UGT8: variants seen among roughly 807,000 people sequenced by gnomAD.
UGT8 encodes the protein 2-hydroxyacylsphingosine 1-beta-galactosyltransferase.
A neutral mutation model predicts 40.5 loss-of-function variants in UGT8; 12 were observed. That is an observed-to-expected ratio of 0.30 (90% CI 0.19 to 0.48). The LOEUF is 0.48. UGT8 is among the 20% of genes least tolerant of loss of function. The probability of loss-of-function intolerance (pLI) is 0.99; values close to 1 mark genes in which losing one functional copy is unlikely to be tolerated. For missense variants in UGT8, 513 were observed against 648.7 expected (o/e 0.79, Z 2.27); for synonymous variants, 224 against 240.4 (o/e 0.93, Z 0.63).
At chr4:114,612,622 A>G (rs1010250323) in intron 1 of UGT8, among the ~76,000 whole-genome samples, 1 of 152,040 alleles carries the variant, frequency 6.6e-6, no homozygotes, top group South Asian at 2.1e-4. Context: ...CCAGTACGTT[A>G]TTGGTATTGT....
chr4:114,661,571 C>A (rs936786424), intron 2 of UGT8, among the ~76,000 whole-genome samples: 2 of 152,128 alleles, frequency 1.3e-5, no homozygotes, highest in Non-Finnish European at 2.9e-5. Flanking sequence ...CAACCGAATC[C>A]AAAATCCAAC....
At chr4:114,628,890 T>TAC in intron 2 of UGT8, among the ~76,000 whole-genome samples, 4 of 150,806 alleles carry the variant, frequency 2.7e-5, no homozygotes, top group Admixed American at 6.6e-5. Flanking sequence ...ACAGAGTTAT[T>TAC]AGATTAGCCA....
intron 4 of UGT8, among the ~76,000 whole-genome samples, chr4:114,665,980 G>A (rs1185513971): frequency 6.6e-6 from 1 of 151,746 alleles, no homozygotes; most frequent in Non-Finnish European, 1.5e-5. Context: ...AAACCTTTGG[G>A]CCTCTATATT....
At chr4:114,665,441 A>G (rs971461675) in intron 3 of UGT8, 32 of 985,250 alleles carry the variant, frequency 3.2e-5, no homozygotes, top group Middle Eastern at 5.2e-4. Flanking sequence ...GTGAGGAACC[A>G]ATGGAAAATA....
At chr4:114,657,632 G>A (rs923314383) in intron 2 of UGT8, among the ~76,000 whole-genome samples, 51 of 151,682 alleles carry the variant, frequency 3.4e-4, no homozygotes, top group African/African-American at 1.2e-3. Flanking sequence ...ATTCTGAAAA[G>A]TCCAAAACAT....
At chr4:114,619,938 G>T (rs1326945974) in intron 1 of UGT8, among the ~76,000 whole-genome samples, 1 of 150,966 alleles carries the variant, frequency 6.6e-6, no homozygotes, top group Non-Finnish European at 1.5e-5. Flanking sequence ...TATTTTTCAG[G>T]TTTCTTTAAT....
At chr4:114,599,216 C>T (rs1730282025) in intron 1 of UGT8, among the ~76,000 whole-genome samples, 1 of 152,236 alleles carries the variant, frequency 6.6e-6, no homozygotes, top group East Asian at 1.9e-4. Context: ...TCTTTTTAGG[C>T]TGGCCCCTCA....
chr4:114,662,885 G>A (rs1266158182), intron 2 of UGT8, among the ~76,000 whole-genome samples: 1 of 132,128 alleles, frequency 7.6e-6, no homozygotes, highest in Non-Finnish European at 1.5e-5. Context: ...GAGTGCAGTG[G>A]CACAGTCTTG....
chr4:114,636,856 C>G (rs1244947204), intron 2 of UGT8, among the ~76,000 whole-genome samples: 1 of 152,166 alleles, frequency 6.6e-6, no homozygotes, highest in Non-Finnish European at 1.5e-5. Flanking sequence ...TTCTCTCTCT[C>G]TGTGTTTTTA....
chr4:114,655,059 GTTTT>G (rs1011314324), intron 2 of UGT8, among the ~76,000 whole-genome samples: 19 of 146,212 alleles, frequency 1.3e-4, no homozygotes, highest in African/African-American at 4.5e-4. Flanking sequence ...CTAGTTTTTT[GTTTT>G]TTGTTTTTTT....
intron 2 of UGT8, 70 bp downstream of exon 2, chr4:114,623,772 A>G (rs1004898043): frequency 4.1e-6 from 6 of 1,479,656 alleles, no homozygotes; most frequent in South Asian, 1.4e-5. Context: ...TGGAAGAGAT[A>G]TGATTTGTTA....
At position 114,623,141 on chromosome 4, in the gene UGT8, G is replaced by T; in HGVS notation, c.261G>T (p.Gln87His). The change falls in exon 2 of 6, where the codon CAG becomes CAT. Residue 87 changes from glutamine (Q) to histidine (H), a missense_variant. Transcript: ENST00000310836. ...GTACCACCTCAGATGCTTTCCTACA[G>T]TCCAAGATGCGGAATATTTTCTCTG... is the stretch of plus-strand genomic sequence containing the variant. Reference protein sequence around the residue: ...FNSTTSDAFLQSKMRNIFSGR... With the variant: ...FNSTTSDAFLHSKMRNIFSGR... 6.2e-7 allele frequency: 1 copy of T among 1,614,120 alleles called. No homozygotes were observed. The highest frequency in any genetic ancestry group is 8.5e-7 in the Non-Finnish European group (1 of 1,180,022).
At chr4:114,626,139 A>T (rs1306604089) in intron 2 of UGT8, among the ~76,000 whole-genome samples, 1 of 152,174 alleles carries the variant, frequency 6.6e-6, no homozygotes, top group Non-Finnish European at 1.5e-5. Flanking sequence ...TTGAAGAATG[A>T]TGTGCAGTAC....
At chr4:114,627,507 C>CT (rs1164577051) in intron 2 of UGT8, among the ~76,000 whole-genome samples, 1 of 152,108 alleles carries the variant, frequency 6.6e-6, no homozygotes, top group African/African-American at 2.4e-5. Flanking sequence ...ATCTGCCCGT[C>CT]TCGGCCTCCC....
intron 2 of UGT8, among the ~76,000 whole-genome samples, chr4:114,650,610 C>T (rs914817264): frequency 6.6e-6 from 1 of 152,104 alleles, no homozygotes. Flanking sequence ...ATCATGACTA[C>T]GATTTCCCAT....
At chr4:114,670,044 G>A (rs1310182776) in intron 5 of UGT8, among the ~76,000 whole-genome samples, 2 of 152,092 alleles carry the variant, frequency 1.3e-5, no homozygotes, top group Non-Finnish European at 2.9e-5. Context: ...AACTAATACT[G>A]TAAAAGAAGT....
chr4:114,626,863 T>A (rs1446376433), intron 2 of UGT8, among the ~76,000 whole-genome samples: 4 of 152,250 alleles, frequency 2.6e-5, no homozygotes, highest in Admixed American at 2.6e-4. Flanking sequence ...TTGTCAGGGC[T>A]TAATACTCAA....
intron 4 of UGT8, among the ~76,000 whole-genome samples, chr4:114,666,003 C>A (rs974354782): frequency 1.3e-5 from 2 of 151,708 alleles, no homozygotes; most frequent in African/African-American, 4.8e-5. Context: ...AATTTTTAGA[C>A]CAGCCATCAA....
chr4:114,624,952 G>C (rs1732103217), intron 2 of UGT8, among the ~76,000 whole-genome samples: 1 of 152,112 alleles, frequency 6.6e-6, no homozygotes, highest in Non-Finnish European at 1.5e-5. Context: ...ATTTATCCAA[G>C]CTCATTTTGA....
Sources: gnomAD v4.1 joint callset for allele counts (sites outside exome capture counted in the v4.1 genomes callset) on GRCh38, gnomAD v4.1.1 for gene constraint, MANE v1.5 for transcripts, NCBI Gene and HGNC (gene_info 2026-07-23, HGNC 2026-07-21) for gene names.